The following SEMA5A variants were observed in gnomAD, a reference collection of about 807,000 sequenced individuals.
SEMA5A encodes the protein semaphorin 5A.
A neutral mutation model predicts 135.5 loss-of-function variants in SEMA5A; 55 were observed. The ratio of observed to expected loss-of-function variants is 0.41; its 90% CI spans 0.33 to 0.51. SEMA5A has a LOEUF of 0.51. Ranked by LOEUF, SEMA5A falls within the 20% of genes least tolerant of loss-of-function variation. SEMA5A has a pLI of 0.37. For missense variants in SEMA5A, 1,290 were observed against 1,419.9 expected (o/e 0.91, Z 1.47); for synonymous variants, 580 against 546.5 (o/e 1.06, Z -0.85).
chr5:9,476,044 T>G (rs1319432839), intron 1 of SEMA5A, among the ~76,000 whole-genome samples: 1 of 152,238 alleles, frequency 6.6e-6, no homozygotes, highest in Admixed American at 6.5e-5. Flanking sequence ...TTTAACACCT[T>G]TCTTCATTCA....
chr5:9,246,819 A>G (rs909372001), intron 5 of SEMA5A, among the ~76,000 whole-genome samples: 2 of 152,192 alleles, frequency 1.3e-5, no homozygotes, highest in African/African-American at 4.8e-5. Context: ...CCTGCCTTGA[A>G]AATACTTTTA....
intron 5 of SEMA5A, among the ~76,000 whole-genome samples, chr5:9,287,041 A>G (rs1750830877): frequency 6.6e-6 from 1 of 151,932 alleles, no homozygotes; most frequent in South Asian, 2.1e-4. Flanking sequence ...GATAACATAC[A>G]CTCCTGGGGT....
At chr5:9,139,720 A>T (rs1165021133) in intron 12 of SEMA5A, among the ~76,000 whole-genome samples, 1 of 152,210 alleles carries the variant, frequency 6.6e-6, no homozygotes, top group Non-Finnish European at 1.5e-5. Flanking sequence ...TATACATGTT[A>T]TAAGATTTTA....
chr5:9,398,069 CT>C (rs1380867372), intron 2 of SEMA5A, among the ~76,000 whole-genome samples: 1 of 152,202 alleles, frequency 6.6e-6, no homozygotes, highest in Non-Finnish European at 1.5e-5. Flanking sequence ...ATATGCCCAA[CT>C]TCTCTACAGG....
At chr5:9,096,745 A>G (rs1330716734) in intron 16 of SEMA5A, among the ~76,000 whole-genome samples, 1 of 152,218 alleles carries the variant, frequency 6.6e-6, no homozygotes, top group Non-Finnish European at 1.5e-5. Context: ...ATACAACATG[A>G]TAAAAAAAAT....
At chr5:9,241,806 C>T (rs1339367168) in intron 5 of SEMA5A, among the ~76,000 whole-genome samples, 1 of 152,024 alleles carries the variant, frequency 6.6e-6, no homozygotes. Context: ...CCACAGTTCT[C>T]AGAAGTATAT....
chr5:9,318,609 T>C (rs1416842769), intron 4 of SEMA5A, among the ~76,000 whole-genome samples, 192 bp from the exon 5 acceptor site: 1 of 152,174 alleles, frequency 6.6e-6, no homozygotes, highest in Non-Finnish European at 1.5e-5. Context: ...CAAATACACA[T>C]TAGAGATTGG....
At chr5:9,406,063 G>A (rs1318527047) in intron 2 of SEMA5A, among the ~76,000 whole-genome samples, 2 of 152,172 alleles carry the variant, frequency 1.3e-5, no homozygotes, top group Admixed American at 6.5e-5. Flanking sequence ...GCCTTACGTA[G>A]TCAGAGAAGT....
At chr5:9,215,088 G>C (rs1374061617) in intron 8 of SEMA5A, among the ~76,000 whole-genome samples, 1 of 152,106 alleles carries the variant, frequency 6.6e-6, no homozygotes, top group African/African-American at 2.4e-5. Flanking sequence ...ATGTAAAACA[G>C]CCCTCTGCCC....
intron 1 of SEMA5A, among the ~76,000 whole-genome samples, chr5:9,506,869 G>C (rs2126834372): frequency 6.6e-6 from 1 of 152,154 alleles, no homozygotes; most frequent in East Asian, 1.9e-4. Context: ...TTTCCTACAG[G>C]GAGCTCTTTC....
At chr5:9,527,659 G>A (rs1737209438) in intron 1 of SEMA5A, among the ~76,000 whole-genome samples, 1 of 148,190 alleles carries the variant, frequency 6.7e-6, no homozygotes, top group Non-Finnish European at 1.5e-5. Context: ...TAACATTATG[G>A]AGTGCTCACT....
intron 15 of SEMA5A, among the ~76,000 whole-genome samples, chr5:9,118,177 A>C (rs898108708): frequency 2.0e-5 from 3 of 152,230 alleles, no homozygotes; most frequent in Non-Finnish European, 4.4e-5. Flanking sequence ...CATTTTAATT[A>C]AAATGCACTG....
intron 1 of SEMA5A, among the ~76,000 whole-genome samples, chr5:9,475,725 C>G (rs912378004): frequency 6.6e-6 from 1 of 152,092 alleles, no homozygotes; most frequent in Non-Finnish European, 1.5e-5. Context: ...GGAAGCTACT[C>G]TATAGCAGGA....
At chr5:9,154,755 G>A in intron 11 of SEMA5A, 60 bp from the exon 12 acceptor site, 1 of 1,431,016 alleles carries the variant, frequency 7.0e-7, no homozygotes, top group Admixed American at 1.7e-5. Context: ...ACCAATCCCT[G>A]GTTAAACAGA....
At chr5:9,221,553 C>A (rs62341025) in intron 8 of SEMA5A, among the ~76,000 whole-genome samples, 1 of 150,916 alleles carries the variant, frequency 6.6e-6, no homozygotes, top group Admixed American at 6.6e-5. Flanking sequence ...CCGCCCGCCT[C>A]GGCCTCCCAA....
chr5:9,441,438 A>G (rs554493911), intron 1 of SEMA5A, among the ~76,000 whole-genome samples: 77 of 152,278 alleles, frequency 5.1e-4, no homozygotes, highest in Admixed American at 1.8e-3. Flanking sequence ...AGAGCCATTT[A>G]CGCCAGCACC....
chr5:9,368,429 A>G (rs1408834403), intron 3 of SEMA5A, among the ~76,000 whole-genome samples: 1 of 152,218 alleles, frequency 6.6e-6, no homozygotes, highest in African/African-American at 2.4e-5. Context: ...AGGTAGAATA[A>G]TATTTACTCA....
At chr5:9,498,249 C>T (rs987453082) in intron 1 of SEMA5A, among the ~76,000 whole-genome samples, 8 of 152,116 alleles carry the variant, frequency 5.3e-5, no homozygotes, top group Non-Finnish European at 1.0e-4. Context: ...ACTCCTCTGT[C>T]ATAACCATCC....
chr5:9,316,384 G>A (rs891786655), intron 5 of SEMA5A, among the ~76,000 whole-genome samples: 1 of 152,170 alleles, frequency 6.6e-6, no homozygotes, highest in Non-Finnish European at 1.5e-5. Flanking sequence ...TATCAAGTGT[G>A]TTCACTGCTA....
Sources: gnomAD v4.1 joint callset for allele counts (sites outside exome capture counted in the v4.1 genomes callset) on GRCh38, gnomAD v4.1.1 for gene constraint, MANE v1.5 for transcripts, NCBI Gene and HGNC (gene_info 2026-07-23, HGNC 2026-07-21) for gene names.